Variants in MCMBP observed in about 807,000 individuals in gnomAD.
MCMBP encodes minichromosome maintenance complex binding protein, also known as mini-chromosome maintenance complex-binding protein.
Under a neutral mutation model 81.3 loss-of-function variants are expected in MCMBP, and 31 were observed. The observed-to-expected ratio is 0.38, with a 90% CI of 0.29 to 0.51. The LOEUF is 0.51. Ranked by LOEUF, MCMBP falls within the 20% of genes least tolerant of loss-of-function variation. MCMBP has a pLI of 0.87. For synonymous variants in MCMBP, 267 were observed against 275.9 expected (o/e 0.97, Z 0.32); for missense variants, 645 against 772.1 (o/e 0.84, Z 1.95).
rs1271875988 is a variant in MCMBP at position 119,831,211 on chromosome 10, C to CTT, written c.*261_*262dup. The CTT allele has an allele frequency of 9.1e-6, 2 of 219,234 alleles. No homozygotes were observed. Among genetic ancestry groups the CTT allele is most frequent in the Non-Finnish European group, 1.8e-5 (2 of 112,236 alleles). 13.6% of individuals were successfully genotyped at this position (219,234 alleles called of 1,614,324 possible). ...AATCAGCAACATTATCAATATTAAACTTTTAATATCAAATACTTTTTTTAC... is the reference window on the plus strand; with the variant it reads ...AATCAGCAACATTATCAATATTAAACTTTTTTAATATCAAATACTTTTTTTAC... On this transcript the variant is annotated 3_prime_UTR_variant, in exon 16 of 16. Transcript: ENST00000369077.
In MCMBP at chr10:119,832,072, C is replaced by T. The variant is rs745417954; in HGVS notation, c.1736G>A (p.Arg579Gln). Residue 579 changes from arginine to glutamine, a missense_variant, in exon 15 of 16, where the codon CGG (arginine) becomes CAG (glutamine). Physicochemically the swap from Arg to Gln is conservative, Grantham distance 43. Coordinates refer to ENST00000369077, the MANE Select transcript of MCMBP (RefSeq NM_001256378.2). Reference protein sequence around the residue: ...KAVEDDFVEMRKNDPQSITAD... With the variant: ...KAVEDDFVEMQKNDPQSITAD... ...AGTGATGCTCTGAGGGTCGTTCTTC[C>T]GCATTTCCACAAAGTCATCTTCAAC... The T allele has an allele frequency of 1.3e-5, 21 of 1,612,812 alleles. No individual in the cohort carries two copies. The highest frequency in any genetic ancestry group is 1.7e-5 in the Non-Finnish European group (20 of 1,179,724).
intron 2 of MCMBP, 63 bp downstream of exon 2, chr10:119,859,736 C>T: frequency 9.6e-7 from 1 of 1,039,058 alleles, no homozygotes; most frequent in East Asian, 2.4e-5. Flanking sequence ...TACTTAGTTA[C>T]TCTACTAAGA....
rs1239442086 is a variant in MCMBP at position 119,850,977 on chromosome 10, A to G, written c.575-1401T>C. On this transcript the variant is annotated intron_variant, in intron 6 of 15. Coordinates refer to ENST00000369077, the MANE Select transcript of MCMBP (RefSeq NM_001256378.2). ...AACCTTCGCCTCCCGGGTTCAAGCA[A>G]TTCTCCTGCCTCAGTCTCCCAAGTA... 2.0e-5 allele frequency among the ~76,000 whole-genome samples: 3 copies of G among 150,730 alleles called. No homozygotes were observed. In the South Asian group the frequency reaches 6.3e-4, roughly 32 times the overall value.
chr10:119,842,416 C>T, intron 10 of MCMBP, 56 bp downstream of exon 10: 1 of 1,555,948 alleles, frequency 6.4e-7, no homozygotes, highest in Non-Finnish European at 8.7e-7. Flanking sequence ...TCTTCCCGCT[C>T]TTCCACTTCC....
At chr10:119,850,229 G>C (rs1426969016) in intron 6 of MCMBP, among the ~76,000 whole-genome samples, 1 of 152,146 alleles carries the variant, frequency 6.6e-6, no homozygotes, top group African/African-American at 2.4e-5. Context: ...CTGAAGAAAA[G>C]ACAATCCCCA....
In MCMBP at chr10:119,842,720, C is replaced by T. The variant is rs562819204; in HGVS notation, c.1001-125G>A. 41 of 1,001,898 alleles carry T rather than the reference C, an allele frequency of 4.1e-5. No individual in the cohort carries two copies. Among genetic ancestry groups the T allele is most frequent in the East Asian group, 1.1e-4 (4 of 37,106 alleles). The allele number at this position is 1,001,898 out of a possible 1,614,324, so 62.1% of individuals were successfully genotyped here. On this transcript the variant is annotated intron_variant, in intron 9 of 15. Coordinates refer to ENST00000369077, the MANE Select transcript of MCMBP (RefSeq NM_001256378.2). ...GACAGTAGGTAAAGCTTAACATATC[C>T]GTCAGTAAGTGATGCTAATCTTAAA...
At chr10:119,842,879 G>A (rs1027614450) in intron 9 of MCMBP, 8 of 372,854 alleles carry the variant, frequency 2.1e-5, no homozygotes, top group Admixed American at 4.1e-5. Context: ...TCAGCCTCCC[G>A]AGTAGCTGGG....
intron 5 of MCMBP, among the ~76,000 whole-genome samples, chr10:119,853,520 C>A (rs1485677409): frequency 6.6e-6 from 1 of 152,202 alleles, no homozygotes; most frequent in Non-Finnish European, 1.5e-5. Context: ...CAGCTCTCTC[C>A]TGGAGACGTT....
chr10:119,852,931 TG>T, intron 6 of MCMBP, 118 bp downstream of exon 6: 1 of 1,240,216 alleles, frequency 8.1e-7, no homozygotes, highest in Non-Finnish European at 1.1e-6. Context: ...TCAACATGTC[TG>T]TAACTCTGAT....
chr10:119,864,110 G>A (rs1248032680), intron 1 of MCMBP, among the ~76,000 whole-genome samples: 2 of 152,158 alleles, frequency 1.3e-5, no homozygotes, highest in Admixed American at 6.6e-5. Context: ...AGAACAACTC[G>A]ACTTGTTGTC....
At chr10:119,842,396 A>T (rs1852463248) in intron 10 of MCMBP, 76 bp downstream of exon 10, 2 of 1,504,400 alleles carry the variant, frequency 1.3e-6, no homozygotes, top group Non-Finnish European at 1.8e-6. Context: ...CACACAAATG[A>T]CACCAGCAAT....
At chr10:119,834,882 AAAAG>A (rs1305991767) in intron 14 of MCMBP, among the ~76,000 whole-genome samples, 3 of 150,854 alleles carry the variant, frequency 2.0e-5, no homozygotes, top group Admixed American at 6.6e-5. Context: ...AAAAAAAAAA[AAAAG>A]AATTTGCACA....
At position 119,853,133 on chromosome 10, in the gene MCMBP, T is replaced by A; in HGVS notation, c.491A>T (p.His164Leu). The A allele has an allele frequency of 6.2e-7, 1 of 1,614,204 alleles. No individual in the cohort carries two copies. The change falls in exon 6 of 16, where the codon CAC (histidine) becomes CTC (leucine). Residue 164 changes from histidine to leucine, a missense_variant. Coordinates refer to ENST00000369077, the MANE Select transcript of MCMBP (RefSeq NM_001256378.2). Reference protein sequence around the residue: ...SPSTSYTPSRHKRSYEDDDDM... With the variant: ...SPSTSYTPSRLKRSYEDDDDM... ...GTCATCATCTTCATAACTCCTCTTG[T>A]GGCGACTAGGAGTGTAGGATGTTGA...
intron 11 of MCMBP, among the ~76,000 whole-genome samples, chr10:119,838,999 C>A (rs972474950): frequency 6.6e-6 from 1 of 151,834 alleles, no homozygotes; most frequent in Non-Finnish European, 1.5e-5. Flanking sequence ...TATTAAATAC[C>A]CCAAAACCTA....
At position 119,836,903 on chromosome 10, in the gene MCMBP, A is replaced by G; in HGVS notation, c.1535T>C (p.Leu512Pro). ...AAAAATGACTCATCATACCGGGAGG[A>G]GTGACCTCCCCTCCGAAGTAATGAA... ...NVFITSEGRSLLPADCQIHLQ... is the reference protein window; with the variant it reads ...NVFITSEGRSPLPADCQIHLQ... The change falls in exon 13 of 16, where the codon CTC becomes CCC. Residue 512 changes from leucine (L) to proline (P), a missense_variant. Leu to Pro is a moderately conservative substitution (Grantham distance 98). Coordinates refer to ENST00000369077, the MANE Select transcript of MCMBP (RefSeq NM_001256378.2). 6.2e-7 allele frequency: 1 copy of G among 1,609,732 alleles called. No individual in the cohort carries two copies.
chr10:119,869,825 T>C (rs564754957), intron 1 of MCMBP, among the ~76,000 whole-genome samples: 91 of 152,298 alleles, frequency 6.0e-4, no homozygotes, highest in African/African-American at 2.1e-3. Context: ...AGTGAGTAGC[T>C]GGTTATCCAA....
chr10:119,853,286 G>T, intron 5 of MCMBP, 92 bp from the exon 6 acceptor site: 1 of 1,325,810 alleles, frequency 7.5e-7, no homozygotes, highest in Non-Finnish European at 1.0e-6. Context: ...TACTAGTTTG[G>T]CAATTCAGTT....
chr10:119,849,781 A>G (rs1852743918), intron 6 of MCMBP, among the ~76,000 whole-genome samples: 1 of 152,166 alleles, frequency 6.6e-6, no homozygotes, highest in Non-Finnish European at 1.5e-5. Context: ...ATGAAGATCT[A>G]AAAATTTTAC....
intron 5 of MCMBP, among the ~76,000 whole-genome samples, chr10:119,854,635 C>T (rs926702845): frequency 2.6e-5 from 4 of 151,482 alleles, no homozygotes; most frequent in Admixed American, 6.6e-5. Flanking sequence ...TGACAGAATT[C>T]GTCACCAACA....
Sources: gnomAD v4.1 joint callset for allele counts (sites outside exome capture counted in the v4.1 genomes callset) on GRCh38, gnomAD v4.1.1 for gene constraint, MANE v1.5 for transcripts, NCBI Gene and HGNC (gene_info 2026-07-23, HGNC 2026-07-21) for gene names.